NTM: variants seen among roughly 807,000 people sequenced by gnomAD.
NTM encodes the protein IgLON family member 2.
Under a neutral mutation model 42.1 loss-of-function variants are expected in NTM, and 13 were observed. That is an observed-to-expected ratio of 0.31 (90% confidence interval 0.20 to 0.49). The LOEUF (loss-of-function observed/expected upper bound fraction) is 0.49, where lower values mean the gene tolerates loss of function less well. Among genes scored for constraint, NTM ranks in the 20% least tolerant of loss-of-function variants. The pLI is 0.99. For synonymous variants in NTM, 187 were observed against 179.2 expected, an observed-to-expected ratio of 1.04 and a Z score of -0.35; for missense variants, 373 against 452.8, an observed-to-expected ratio of 0.82 and a Z score of 1.60.
intron 1 of NTM, among the ~76,000 whole-genome samples, chr11:131,846,696 C>T (rs1833078971): frequency 6.6e-6 from 1 of 151,934 alleles, no homozygotes; most frequent in Non-Finnish European, 1.5e-5. Flanking sequence ...TCCATGTGTA[C>T]TTGGAAATGT....
At chr11:131,822,593 G>C (rs1238049550) in intron 1 of NTM, among the ~76,000 whole-genome samples, 2 of 152,118 alleles carry the variant, frequency 1.3e-5, no homozygotes, top group Non-Finnish European at 2.9e-5. Flanking sequence ...TCAGTGTCTT[G>C]AATCAGCAAC....
At chr11:131,442,024 G>A (rs1200284490) in intron 1 of NTM, among the ~76,000 whole-genome samples, 1 of 152,138 alleles carries the variant, frequency 6.6e-6, no homozygotes, top group Non-Finnish European at 1.5e-5. Context: ...CAGATCACAG[G>A]GTAAAAATTC....
At chr11:132,308,909 A>G (rs1176945770) in intron 5 of NTM, among the ~76,000 whole-genome samples, 1 of 151,952 alleles carries the variant, frequency 6.6e-6, no homozygotes, top group Non-Finnish European at 1.5e-5. Flanking sequence ...AGTGAAAGCT[A>G]GGAAAACCTC....
At chr11:131,905,693 A>C (rs573611550) in intron 1 of NTM, among the ~76,000 whole-genome samples, 11 of 152,100 alleles carry the variant, frequency 7.2e-5, no homozygotes, top group Admixed American at 5.2e-4. Context: ...TCTTTGTTAA[A>C]TGTCTGTCTC....
chr11:131,784,126 G>A (rs2088692055), intron 1 of NTM, among the ~76,000 whole-genome samples: 1 of 152,010 alleles, frequency 6.6e-6, no homozygotes, highest in African/African-American at 2.4e-5. Flanking sequence ...AAACTTAAAA[G>A]ACTGAAAAAG....
At chr11:131,478,461 A>T (rs1468667596) in intron 1 of NTM, among the ~76,000 whole-genome samples, 3 of 152,170 alleles carry the variant, frequency 2.0e-5, no homozygotes, top group African/African-American at 7.2e-5. Flanking sequence ...GTAATTCTAC[A>T]TTCAGCCAGC....
At chr11:131,927,338 T>G (rs1311918465) in intron 2 of NTM, among the ~76,000 whole-genome samples, 1 of 152,214 alleles carries the variant, frequency 6.6e-6, no homozygotes, top group East Asian at 1.9e-4. Context: ...TTACCATTAA[T>G]ATATAATTAG....
chr11:131,874,927 C>A (rs534576540), intron 1 of NTM, among the ~76,000 whole-genome samples: 29 of 152,222 alleles, frequency 1.9e-4, no homozygotes, highest in African/African-American at 6.3e-4. Flanking sequence ...TATTAACTAA[C>A]TATGTAAAGA....
chr11:131,711,434 C>T lies in NTM; in HGVS notation c.83-200130C>T, dbSNP rs559690132. Among the ~76,000 whole-genome samples the T allele has an allele frequency of 2.9e-3, 442 of 152,298 alleles. 8 individuals carry two copies. The highest frequency in any genetic ancestry group is 0.01 in the African/African-American group (421 of 41,566). On this transcript the variant is annotated intron_variant, in intron 1 of 8. Coordinates refer to ENST00000683400, the MANE Select transcript of NTM (RefSeq NM_001352005.2). ...TGCAAATCAAAACCACAATGAGATACAATCTCACACCAGTTAGAATGGCAA... is the reference window on the plus strand; with the variant it reads ...TGCAAATCAAAACCACAATGAGATATAATCTCACACCAGTTAGAATGGCAA...
chr11:132,104,162 C>G (rs2061973412), intron 2 of NTM, among the ~76,000 whole-genome samples: 1 of 152,038 alleles, frequency 6.6e-6, no homozygotes, highest in Admixed American at 6.5e-5. Context: ...AGAAGTAATC[C>G]TAAGAAGAGA....
intron 2 of NTM, among the ~76,000 whole-genome samples, chr11:132,089,570 A>T (rs79344038): frequency 6.6e-6 from 1 of 152,216 alleles, no homozygotes; most frequent in Admixed American, 6.5e-5. Context: ...CACAAAAAAG[A>T]TGAATTTTTT....
intron 2 of NTM, among the ~76,000 whole-genome samples, chr11:132,027,282 C>G (rs1344305560): frequency 6.6e-6 from 1 of 152,140 alleles, no homozygotes; most frequent in East Asian, 1.9e-4. Flanking sequence ...TTGTCTTATG[C>G]TGATCTGAAT....
chr11:131,441,385 T>C (rs1949615142), intron 1 of NTM, among the ~76,000 whole-genome samples: 1 of 152,236 alleles, frequency 6.6e-6, no homozygotes, highest in Admixed American at 6.5e-5. Context: ...GGAAATTTTT[T>C]CTAGCACAAC....
At chr11:131,502,683 T>A (rs971261409) in intron 1 of NTM, 1 of 152,212 alleles carries the variant, frequency 6.6e-6, no homozygotes, top group African/African-American at 2.4e-5. Context: ...GGCATTTGCT[T>A]GTTGTTGAAG....
intron 1 of NTM, among the ~76,000 whole-genome samples, chr11:131,716,964 C>G (rs1273773854): frequency 6.6e-6 from 1 of 152,108 alleles, no homozygotes; most frequent in Non-Finnish European, 1.5e-5. Flanking sequence ...CCTCAGCCTC[C>G]TAAGTAGTTG....
chr11:131,807,110 A>C (rs2092534892), intron 1 of NTM, among the ~76,000 whole-genome samples: 2 of 152,214 alleles, frequency 1.3e-5, no homozygotes, highest in South Asian at 4.1e-4. Context: ...TCCAAGGAAA[A>C]GTACAGAGCA....
chr11:131,715,163 A>C (rs1050827003), intron 1 of NTM, among the ~76,000 whole-genome samples: 5 of 152,176 alleles, frequency 3.3e-5, no homozygotes, highest in African/African-American at 9.7e-5. Flanking sequence ...TGGCTTAAAC[A>C]AGATGGAATT....
intron 2 of NTM, among the ~76,000 whole-genome samples, chr11:131,962,529 A>G (rs549747075): frequency 6.6e-6 from 1 of 152,328 alleles, no homozygotes; most frequent in African/African-American, 2.4e-5. Context: ...GGCAGCCATC[A>G]GGAAACCAGG....
intron 1 of NTM, chr11:131,910,941 C>CGA: frequency 6.1e-6 from 6 of 988,346 alleles, no homozygotes; most frequent in Non-Finnish European, 7.2e-6. Flanking sequence ...GCGCCTCCCG[C>CGA]GAGCTCCACT....
Sources: allele counts gnomAD v4.1 joint callset (sites outside exome capture counted in the v4.1 genomes callset), GRCh38; gene constraint gnomAD v4.1.1; transcripts MANE v1.5; gene names NCBI Gene and HGNC (gene_info 2026-07-23, HGNC 2026-07-21).